The following KIAA1328 variants were observed in gnomAD, a reference collection of about 807,000 sequenced individuals.
The protein encoded by KIAA1328 is protein hinderin.
KIAA1328 carries 52 observed loss-of-function variants against 68.1 expected under a neutral mutation model. The observed-to-expected ratio is 0.76, with a 90% confidence interval of 0.61 to 0.96. The LOEUF (loss-of-function observed/expected upper bound fraction) is 0.96. Ranked by LOEUF, KIAA1328 falls within the 40% of genes least tolerant of loss-of-function variation. KIAA1328 has a pLI of 0.00. For missense variants in KIAA1328, 641 were observed against 677.6 expected, an observed-to-expected ratio of 0.95 and a Z score of 0.60; for synonymous variants, 232 against 239.4, an observed-to-expected ratio of 0.97 and a Z score of 0.28.
chr18:37,023,489 C>T (rs544756039), intron 6 of KIAA1328, among the ~76,000 whole-genome samples: 66 of 152,058 alleles, frequency 4.3e-4, no homozygotes, highest in African/African-American at 1.4e-3. Flanking sequence ...AGGGAGAGAC[C>T]GGTTAGAATC....
chr18:37,099,783 G>C (rs2057540326), intron 7 of KIAA1328, among the ~76,000 whole-genome samples: 1 of 152,166 alleles, frequency 6.6e-6, no homozygotes, highest in Non-Finnish European at 1.5e-5. Flanking sequence ...TATATATTTA[G>C]GATGGTTGGC....
At chr18:37,207,818 A>G (rs1338812026) in intron 9 of KIAA1328, among the ~76,000 whole-genome samples, 1 of 152,118 alleles carries the variant, frequency 6.6e-6, no homozygotes, top group Non-Finnish European at 1.5e-5. Flanking sequence ...TCATAAATTC[A>G]TTTATTTATT....
intron 6 of KIAA1328, among the ~76,000 whole-genome samples, chr18:36,998,694 T>C (rs1324703394): frequency 6.6e-6 from 1 of 152,106 alleles, no homozygotes; most frequent in Non-Finnish European, 1.5e-5. Context: ...AAAGAAATCA[T>C]ACAGAGACTA....
chr18:37,091,412 A>C (rs145248105), intron 7 of KIAA1328, among the ~76,000 whole-genome samples: 16 of 152,306 alleles, frequency 1.1e-4, no homozygotes, highest in Non-Finnish European at 1.6e-4. Flanking sequence ...CCTTCATTAT[A>C]GGGAAAGAGT....
At chr18:36,832,995 C>G (rs1477818981) in intron 1 of KIAA1328, 1 of 151,894 alleles carries the variant, frequency 6.6e-6, no homozygotes, top group Non-Finnish European at 1.5e-5. Flanking sequence ...CGCCACCATG[C>G]CCGGCTAATT....
intron 6 of KIAA1328, among the ~76,000 whole-genome samples, chr18:36,977,946 G>A (rs1434307882): frequency 6.6e-6 from 1 of 151,860 alleles, no homozygotes; most frequent in Non-Finnish European, 1.5e-5. Flanking sequence ...ACCCTCCCTG[G>A]CTAATTTTTG....
chr18:36,993,371 T>C (rs1295778535), intron 6 of KIAA1328, among the ~76,000 whole-genome samples: 1 of 152,226 alleles, frequency 6.6e-6, no homozygotes, highest in African/African-American at 2.4e-5. Context: ...TGTAGACTTT[T>C]GTTTTCAGAA....
At chr18:37,058,395 A>G (rs1158645330) in intron 6 of KIAA1328, among the ~76,000 whole-genome samples, 2 of 152,124 alleles carry the variant, frequency 1.3e-5, no homozygotes, top group African/African-American at 4.8e-5. Flanking sequence ...AATATATATC[A>G]TATGATTCCA....
In KIAA1328 at chr18:37,142,912, T is replaced by A. The variant is rs2058800641; in HGVS notation, c.1233-17288T>A. ...AAAAAATATTGAGTTTTCCAGTCCA[T>A]GAAAATAGTTTATTTCTGGATTTAC... On this transcript the variant is annotated intron_variant, in intron 7 of 9. Transcript: ENST00000280020. Among the ~76,000 whole-genome samples the A allele has an allele frequency of 3.9e-5, 6 of 151,986 alleles. No individual in the cohort carries two copies. In the South Asian group the frequency reaches 1.2e-3, roughly 32 times the overall value.
intron 6 of KIAA1328, among the ~76,000 whole-genome samples, chr18:36,999,046 G>C (rs577445513): frequency 1.3e-5 from 2 of 152,246 alleles, no homozygotes; most frequent in East Asian, 3.9e-4. Context: ...AACAATTCAG[G>C]ATATGAATGA....
intron 4 of KIAA1328, among the ~76,000 whole-genome samples, chr18:36,877,219 C>T (rs1285073342): frequency 2.0e-5 from 3 of 152,026 alleles, no homozygotes; most frequent in African/African-American, 7.3e-5. Context: ...GAGTTCAAGT[C>T]CTGAATATCC....
At chr18:36,869,851 T>C (rs570667510) in intron 4 of KIAA1328, among the ~76,000 whole-genome samples, 1 of 152,282 alleles carries the variant, frequency 6.6e-6, no homozygotes, top group East Asian at 1.9e-4. Flanking sequence ...GTTAGTACTT[T>C]ATAATTGAAA....
chr18:37,186,648 G>T lies in KIAA1328; in HGVS notation c.1523+13567G>T, dbSNP rs1377514062. Among the ~76,000 whole-genome samples the T allele has an allele frequency of 2.0e-5, 3 of 148,488 alleles. 1 individual carries two copies. In the South Asian group the frequency reaches 6.4e-4, roughly 32 times the overall value. Reference sequence around the variant, plus strand: ...TTAGGCTTAAGATTTCTGGATCTATGTTCTCACCAAATCATCTTTACTATG... The same window carrying T: ...TTAGGCTTAAGATTTCTGGATCTATTTTCTCACCAAATCATCTTTACTATG... On this transcript the variant is annotated intron_variant, in intron 9 of 9. Transcript: ENST00000280020.
intron 5 of KIAA1328, among the ~76,000 whole-genome samples, chr18:36,901,215 T>C (rs912501957): frequency 6.6e-6 from 1 of 152,040 alleles, no homozygotes; most frequent in African/African-American, 2.4e-5. Context: ...TTAACCCTGA[T>C]TGTAATACCT....
At chr18:37,108,448 C>T (rs765527184) in intron 7 of KIAA1328, among the ~76,000 whole-genome samples, 5 of 152,142 alleles carry the variant, frequency 3.3e-5, no homozygotes, top group Non-Finnish European at 5.9e-5. Flanking sequence ...GTACTCCAAA[C>T]CTTAGCCTTA....
At chr18:36,960,317 A>G (rs1311521187) in intron 6 of KIAA1328, among the ~76,000 whole-genome samples, 1 of 152,216 alleles carries the variant, frequency 6.6e-6, no homozygotes. Context: ...CTCGAACTGG[A>G]TGGAGCCCAC....
chr18:37,147,607 A>G (rs1365892636), intron 7 of KIAA1328, among the ~76,000 whole-genome samples: 2 of 151,820 alleles, frequency 1.3e-5, no homozygotes, highest in African/African-American at 2.4e-5. Context: ...AATTGGTAGG[A>G]CTCACTCTCC....
At chr18:37,118,349 C>T (rs908877113) in intron 7 of KIAA1328, among the ~76,000 whole-genome samples, 4 of 152,146 alleles carry the variant, frequency 2.6e-5, no homozygotes, top group Non-Finnish European at 4.4e-5. Context: ...TCAGCAAGCA[C>T]CTCAGCTGGT....
intron 5 of KIAA1328, among the ~76,000 whole-genome samples, chr18:36,887,081 C>A (rs753662468): frequency 2.7e-5 from 4 of 149,680 alleles, no homozygotes; most frequent in African/African-American, 4.9e-5. Context: ...TTCTACATCT[C>A]TAGCATTTGG....
Sources: allele counts gnomAD v4.1 joint callset (sites outside exome capture counted in the v4.1 genomes callset), GRCh38; gene constraint gnomAD v4.1.1; transcripts MANE v1.5; gene names NCBI Gene and HGNC (gene_info 2026-07-23, HGNC 2026-07-21).